Variants in SLC2A13 observed in about 807,000 individuals in gnomAD.
SLC2A13 encodes the protein proton myo-inositol cotransporter.
SLC2A13 carries 32 observed loss-of-function variants against 64.4 expected under a neutral mutation model. The ratio of observed to expected loss-of-function variants is 0.50; its 90% CI spans 0.37 to 0.67. SLC2A13 has a LOEUF of 0.67. Ranked by LOEUF, SLC2A13 falls within the 30% of genes least tolerant of loss-of-function variation. The probability of loss-of-function intolerance (pLI) is 0.00; values close to 1 mark genes in which losing one functional copy is unlikely to be tolerated. For synonymous variants in SLC2A13, 338 were observed against 327.1 expected, an observed-to-expected ratio of 1.03 and a Z score of -0.36; for missense variants, 743 against 829.2, an observed-to-expected ratio of 0.90 and a Z score of 1.28.
chr12:39,812,903 C>T (rs1191494539), intron 7 of SLC2A13, among the ~76,000 whole-genome samples: 1 of 148,348 alleles, frequency 6.7e-6, no homozygotes, highest in Admixed American at 6.8e-5. Flanking sequence ...GGTGTGATCT[C>T]CCTGCAACCT....
chr12:39,912,077 A>T (rs974820710), intron 4 of SLC2A13, among the ~76,000 whole-genome samples: 6 of 151,984 alleles, frequency 3.9e-5, no homozygotes, highest in Non-Finnish European at 8.8e-5. Context: ...GACCACCCTG[A>T]TCCTCAGCTC....
chr12:39,941,485 T>C (rs1279095286), intron 4 of SLC2A13, among the ~76,000 whole-genome samples: 1 of 152,188 alleles, frequency 6.6e-6, no homozygotes, highest in Non-Finnish European at 1.5e-5. Context: ...TAAGGTGGTA[T>C]TGCATTGTGG....
chr12:39,924,669 C>T (rs1302509257), intron 4 of SLC2A13, among the ~76,000 whole-genome samples: 1 of 151,936 alleles, frequency 6.6e-6, no homozygotes, highest in Non-Finnish European at 1.5e-5. Context: ...TTCAATTATT[C>T]TTCATTTTTT....
At chr12:40,059,465 G>T (rs1948383239) in intron 1 of SLC2A13, among the ~76,000 whole-genome samples, 1 of 152,160 alleles carries the variant, frequency 6.6e-6, no homozygotes, top group African/African-American at 2.4e-5. Context: ...TCATGCTGGT[G>T]TTCCCAAACT....
At chr12:39,897,801 ATTTG>A (rs1408973693) in intron 4 of SLC2A13, among the ~76,000 whole-genome samples, 4 of 152,144 alleles carry the variant, frequency 2.6e-5, no homozygotes, top group Admixed American at 2.0e-4. Context: ...CATTACTTAC[ATTTG>A]TTTGAAGACT....
intron 4 of SLC2A13, among the ~76,000 whole-genome samples, chr12:39,938,597 T>G (rs564294900): frequency 6.6e-6 from 1 of 151,880 alleles, no homozygotes; most frequent in Non-Finnish European, 1.5e-5. Flanking sequence ...AGGATAATAA[T>G]ATTCAAGAAA....
chr12:40,087,184 G>C (rs1046818731), intron 1 of SLC2A13, among the ~76,000 whole-genome samples: 1 of 152,118 alleles, frequency 6.6e-6, no homozygotes, highest in Non-Finnish European at 1.5e-5. Context: ...TTAAAAGCAA[G>C]TAATTTTTAA....
chr12:39,763,143 T>C (rs1940225403), intron 9 of SLC2A13, among the ~76,000 whole-genome samples: 1 of 152,054 alleles, frequency 6.6e-6, no homozygotes, highest in African/African-American at 2.4e-5. Flanking sequence ...TGAAGATAAG[T>C]TTATGAATTT....
chr12:40,012,066 G>A (rs11174732), intron 3 of SLC2A13, among the ~76,000 whole-genome samples: 3 of 152,062 alleles, frequency 2.0e-5, no homozygotes, highest in African/African-American at 7.2e-5. Flanking sequence ...TAAGCCAAGA[G>A]GTATTAATAG....
chr12:39,975,935 A>C (rs1946750129), intron 3 of SLC2A13, among the ~76,000 whole-genome samples: 1 of 152,252 alleles, frequency 6.6e-6, no homozygotes, highest in South Asian at 2.1e-4. Context: ...GTGCACTAAC[A>C]AACAGCAGAC....
chr12:39,796,110 C>T (rs1022684135), intron 7 of SLC2A13, among the ~76,000 whole-genome samples: 5 of 152,130 alleles, frequency 3.3e-5, no homozygotes, highest in African/African-American at 1.2e-4. Flanking sequence ...ATGGACATTT[C>T]ATATTAATGG....
intron 7 of SLC2A13, among the ~76,000 whole-genome samples, chr12:39,776,270 C>CCCAGTCACT (rs1555234476): frequency 6.6e-6 from 1 of 152,020 alleles, no homozygotes. Context: ...ATTTATACTA[C>CCCAGTCACT]ACACTGCTTC....
chr12:40,091,345 A>G (rs943525039), intron 1 of SLC2A13, among the ~76,000 whole-genome samples: 1 of 152,206 alleles, frequency 6.6e-6, no homozygotes, highest in Non-Finnish European at 1.5e-5. Context: ...ATTCACTTGA[A>G]TGTCATTAGA....
At chr12:39,796,578 A>G (rs1941583144) in intron 7 of SLC2A13, among the ~76,000 whole-genome samples, 1 of 151,980 alleles carries the variant, frequency 6.6e-6, no homozygotes, top group Non-Finnish European at 1.5e-5. Context: ...GGTCCTAGTG[A>G]TAGTGAGCTG....
At chr12:39,864,438 A>T (rs1592218951) in intron 6 of SLC2A13, among the ~76,000 whole-genome samples, 1 of 152,216 alleles carries the variant, frequency 6.6e-6, no homozygotes, top group East Asian at 1.9e-4. Context: ...CACAGAGGTG[A>T]CTGAATTGTA....
At chr12:39,840,538 C>G (rs1166638312) in intron 6 of SLC2A13, among the ~76,000 whole-genome samples, 1 of 152,010 alleles carries the variant, frequency 6.6e-6, no homozygotes, top group Non-Finnish European at 1.5e-5. Context: ...AAAGAGACTG[C>G]AGGATTTAGA....
intron 3 of SLC2A13, among the ~76,000 whole-genome samples, chr12:39,971,995 A>ATATATATATATATATATAT (rs1192990149): frequency 3.7e-4 from 18 of 48,500 alleles, no homozygotes; most frequent in African/African-American, 1.1e-3. Flanking sequence ...AAAAAAAAAA[A>ATATATATATATATATATAT]AAATATATAT....
chr12:40,043,810 C>A (rs1354436194), intron 2 of SLC2A13, among the ~76,000 whole-genome samples: 1 of 152,012 alleles, frequency 6.6e-6, no homozygotes, highest in Non-Finnish European at 1.5e-5. Context: ...CACTTCACAC[C>A]CACTAGGATG....
intron 6 of SLC2A13, among the ~76,000 whole-genome samples, chr12:39,850,176 G>C (rs1237033834): frequency 6.6e-6 from 1 of 152,078 alleles, no homozygotes; most frequent in Non-Finnish European, 1.5e-5. Flanking sequence ...CAGTGGATTT[G>C]TCCATAAGTA....
Sources: gnomAD v4.1 joint callset for allele counts (sites outside exome capture counted in the v4.1 genomes callset) on GRCh38, gnomAD v4.1.1 for gene constraint, MANE v1.5 for transcripts, NCBI Gene and HGNC (gene_info 2026-07-23, HGNC 2026-07-21) for gene names.